The following DLG2 variants were observed in gnomAD, a reference collection of about 807,000 sequenced individuals.
DLG2 encodes the protein disks large homolog 2.
DLG2 carries 45 observed loss-of-function variants against 132.5 expected under a neutral mutation model. That is an observed-to-expected ratio of 0.34 (90% CI 0.27 to 0.44). The LOEUF (loss-of-function observed/expected upper bound fraction) is 0.44. Ranked by LOEUF, DLG2 falls within the 20% of genes least tolerant of loss-of-function variation. DLG2 has a pLI of 1.00. For synonymous variants in DLG2, 424 were observed against 419.6 expected (o/e 1.01, Z -0.13); for missense variants, 1,045 against 1,196.9 (o/e 0.87, Z 1.87).
intron 6 of DLG2, among the ~76,000 whole-genome samples, chr11:84,902,993 C>T (rs1247759842): frequency 6.6e-6 from 1 of 152,048 alleles, no homozygotes; most frequent in East Asian, 1.9e-4. Flanking sequence ...CAAGCCTTTA[C>T]CTTTTCTTTT....
At position 83,756,834 on chromosome 11, in the gene DLG2, A is replaced by T. The variant is rs145690953; in HGVS notation, c.1825+29856T>A. On this transcript the variant is annotated intron_variant, in intron 18 of 27. Coordinates refer to ENST00000376104, the MANE Select transcript of DLG2 (RefSeq NM_001142699.3). ...GAGTTCATTATTAACATAAAATACA[A>T]CATTTGTATGAGAAAAACCCATTAT... Among the ~76,000 whole-genome samples the T allele has an allele frequency of 4.0e-3, 579 of 146,470 alleles. 30 individuals carry two copies. The highest frequency in any genetic ancestry group is 0.015 in the African/African-American group (554 of 35,994).
intron 3 of DLG2, among the ~76,000 whole-genome samples, chr11:85,439,679 C>T (rs1443373525): frequency 6.6e-6 from 1 of 151,834 alleles, no homozygotes; most frequent in Non-Finnish European, 1.5e-5. Context: ...GCTTTTAATC[C>T]GAGGATCACA....
chr11:85,102,400 A>G (rs961893855), intron 6 of DLG2, among the ~76,000 whole-genome samples: 4 of 152,060 alleles, frequency 2.6e-5, no homozygotes, highest in African/African-American at 9.7e-5. Flanking sequence ...CAGAATCTTT[A>G]ATGGTGCTAT....
intron 6 of DLG2, among the ~76,000 whole-genome samples, chr11:84,617,670 T>C (rs1170556268): frequency 6.6e-6 from 1 of 152,068 alleles, no homozygotes; most frequent in African/African-American, 2.4e-5. Context: ...TTTTATGTTT[T>C]CATTCATTCA....
chr11:85,160,680 G>A (rs2077961415), intron 4 of DLG2, among the ~76,000 whole-genome samples: 1 of 152,114 alleles, frequency 6.6e-6, no homozygotes, highest in South Asian at 2.1e-4. Context: ...TAAGTTACAT[G>A]AGGAAGTGGC....
intron 6 of DLG2, among the ~76,000 whole-genome samples, chr11:85,039,337 T>G (rs968247304): frequency 6.6e-6 from 1 of 151,942 alleles, no homozygotes; most frequent in African/African-American, 2.4e-5. Context: ...ATATCCAGTC[T>G]AGGTAGTTGA....
intron 3 of DLG2, among the ~76,000 whole-genome samples, chr11:85,513,043 A>G (rs1230856180): frequency 1.3e-5 from 2 of 152,054 alleles, no homozygotes; most frequent in East Asian, 3.9e-4. Context: ...CCTTTGCACC[A>G]ACGTGGATGC....
chr11:83,821,683 A>G (rs2050840323), intron 17 of DLG2, among the ~76,000 whole-genome samples: 1 of 152,222 alleles, frequency 6.6e-6, no homozygotes, highest in South Asian at 2.1e-4. Context: ...GAATACAGCA[A>G]TAAACAAAAT....
chr11:84,938,908 T>G (rs1162968812), intron 6 of DLG2, among the ~76,000 whole-genome samples: 1 of 152,136 alleles, frequency 6.6e-6, no homozygotes, highest in Non-Finnish European at 1.5e-5. Context: ...TGTGCACATG[T>G]TTGCATTTCT....
intron 15 of DLG2, among the ~76,000 whole-genome samples, chr11:83,927,616 G>T (rs2079218002): frequency 6.6e-6 from 1 of 152,164 alleles, no homozygotes; most frequent in Non-Finnish European, 1.5e-5. Context: ...GGCAGGCAGT[G>T]GCTAGGTCAT....
At chr11:84,253,647 CTTA>C (rs1271457418) in intron 7 of DLG2, among the ~76,000 whole-genome samples, 1 of 152,026 alleles carries the variant, frequency 6.6e-6, no homozygotes. Flanking sequence ...ATAATTACTG[CTTA>C]TTAAGTATGT....
At chr11:84,703,172 T>A (rs908464939) in intron 6 of DLG2, among the ~76,000 whole-genome samples, 68 of 151,808 alleles carry the variant, frequency 4.5e-4, no homozygotes, top group African/African-American at 1.6e-3. Context: ...TTATGCAAGA[T>A]GAATGAAGTG....
At chr11:85,287,393 A>G (rs946361683) in intron 3 of DLG2, among the ~76,000 whole-genome samples, 3 of 152,148 alleles carry the variant, frequency 2.0e-5, no homozygotes, top group African/African-American at 4.8e-5. Flanking sequence ...AAAGAAATAC[A>G]TGTCACAGAT....
chr11:84,610,937 A>G (rs182417806), intron 6 of DLG2, among the ~76,000 whole-genome samples: 35 of 151,048 alleles, frequency 2.3e-4, no homozygotes, highest in African/African-American at 8.5e-4. Flanking sequence ...TTTCTTCTTT[A>G]TTTATCAACT....
chr11:83,545,964 C>A (rs568018740), intron 19 of DLG2, among the ~76,000 whole-genome samples: 1 of 152,254 alleles, frequency 6.6e-6, no homozygotes, highest in Non-Finnish European at 1.5e-5. Flanking sequence ...TGTGTTAATT[C>A]ATCACAGCAA....
chr11:84,463,882 T>C (rs564402236), intron 7 of DLG2, among the ~76,000 whole-genome samples: 2 of 151,334 alleles, frequency 1.3e-5, no homozygotes, highest in African/African-American at 4.8e-5. Flanking sequence ...CTCTTTTCTT[T>C]AGTAGACTAA....
At chr11:85,116,563 T>C (rs148323038) in intron 5 of DLG2, among the ~76,000 whole-genome samples, 516 of 151,960 alleles carry the variant, frequency 3.4e-3, no homozygotes, top group Non-Finnish European at 5.6e-3. Flanking sequence ...AAAATAAAGG[T>C]TTTCATTGAA....
chr11:85,333,968 C>T lies in DLG2; in HGVS notation c.41-48603G>A, dbSNP rs566606081. On this transcript the variant is annotated intron_variant, in intron 3 of 27. Transcript: ENST00000376104. ...TCACAGAATGAGTTAGAGAGGAGTC[C>T]TCCTTCTTGCTTCTCTGGAGTAGTT... 2.0e-5 allele frequency among the ~76,000 whole-genome samples: 3 copies of T among 152,154 alleles called. 1 individual carries two copies. The East Asian group carries it at 5.8e-4, about 29-fold the overall frequency.
chr11:85,153,688 A>G (rs1190136232), intron 5 of DLG2, among the ~76,000 whole-genome samples: 1 of 151,614 alleles, frequency 6.6e-6, no homozygotes, highest in Middle Eastern at 3.2e-3. Context: ...TTAAAGGTCT[A>G]AAGTTTTCAT....
Sources: allele counts gnomAD v4.1 joint callset (sites outside exome capture counted in the v4.1 genomes callset), GRCh38; gene constraint gnomAD v4.1.1; transcripts MANE v1.5; gene names NCBI Gene and HGNC (gene_info 2026-07-23, HGNC 2026-07-21).